The following THSD4 variants were observed in gnomAD, a reference collection of about 807,000 sequenced individuals.
The protein encoded by THSD4 is thrombospondin type-1 domain-containing protein 4.
In THSD4, 69 loss-of-function variants were observed where a neutral mutation model predicts 119.0. That is an observed-to-expected ratio of 0.58 (90% CI 0.48 to 0.71). The LOEUF (loss-of-function observed/expected upper bound fraction) is 0.71. Ranked by LOEUF, THSD4 falls within the 30% of genes least tolerant of loss-of-function variation. The pLI, the probability that THSD4 is intolerant of heterozygous loss-of-function variation, is 0.00. For synonymous variants in THSD4, 524 were observed against 540.4 expected, an observed-to-expected ratio of 0.97 and a Z score of 0.42; for missense variants, 1,393 against 1,391.1, an observed-to-expected ratio of 1.00 and a Z score of -0.02.
At chr15:71,342,136 TAAAA>T (rs59764881) in intron 6 of THSD4, among the ~76,000 whole-genome samples, 6 of 149,354 alleles carry the variant, frequency 4.0e-5, no homozygotes, top group Admixed American at 1.3e-4. Context: ...CGCTTCTTCA[TAAAA>T]AAAAAAGGTG....
chr15:71,451,919 C>T (rs1373530996), intron 7 of THSD4, among the ~76,000 whole-genome samples: 1 of 152,148 alleles, frequency 6.6e-6, no homozygotes, highest in Non-Finnish European at 1.5e-5. Flanking sequence ...GTCTCTGGGA[C>T]CTATGTCCTC....
chr15:71,664,250 G>C (rs1207462356), intron 8 of THSD4, among the ~76,000 whole-genome samples: 1 of 152,086 alleles, frequency 6.6e-6, no homozygotes, highest in Non-Finnish European at 1.5e-5. Context: ...CCAAAGTGCT[G>C]GGATTACAGG....
intron 6 of THSD4, among the ~76,000 whole-genome samples, chr15:71,322,230 C>A (rs749790868): frequency 1.8e-4 from 28 of 152,224 alleles, no homozygotes; most frequent in Non-Finnish European, 3.5e-4. Context: ...TGCTAGAAAA[C>A]AGGATTTCCA....
chr15:71,295,522 C>A (rs771641722), intron 6 of THSD4, among the ~76,000 whole-genome samples: 42 of 152,130 alleles, frequency 2.8e-4, no homozygotes, highest in Non-Finnish European at 5.4e-4. Flanking sequence ...TTTGTGGAGA[C>A]ACAGATCAGA....
intron 6 of THSD4, among the ~76,000 whole-genome samples, chr15:71,378,982 C>G (rs867254901): frequency 3.3e-5 from 5 of 152,120 alleles, no homozygotes; most frequent in Admixed American, 6.5e-5. Flanking sequence ...CAGGGTCTCA[C>G]TATGTTGCCT....
In THSD4 at chr15:71,656,009, C is replaced by T. The variant is rs990471332; in HGVS notation, c.1153-4521C>T. On this transcript the variant is annotated intron_variant, in intron 7 of 17. Transcript: ENST00000261862. Reference sequence around the variant, plus strand: ...CACCCCAGGTTTTCTGGTTTGCAGCCCAACATTCTTTCCATTATTCCAAAC... The same window carrying T: ...CACCCCAGGTTTTCTGGTTTGCAGCTCAACATTCTTTCCATTATTCCAAAC... Among the ~76,000 whole-genome samples, 11 of 152,280 alleles carry T rather than the reference C, an allele frequency of 7.2e-5. No individual in the cohort carries two copies. The South Asian group carries it at 2.3e-3, about 32-fold the overall frequency.
chr15:71,417,761 C>A (rs2046775350), intron 7 of THSD4, among the ~76,000 whole-genome samples: 1 of 107,954 alleles, frequency 9.3e-6, no homozygotes, highest in Non-Finnish European at 2.0e-5. Flanking sequence ...TTGTGTTTTT[C>A]TATTTCCGTG....
intron 7 of THSD4, among the ~76,000 whole-genome samples, chr15:71,641,294 A>T (rs2050853258): frequency 6.6e-6 from 1 of 151,916 alleles, no homozygotes; most frequent in Admixed American, 6.6e-5. Context: ...GCCCCAGTCC[A>T]ATGTCTTGGG....
At chr15:71,500,579 A>C (rs1365943954) in intron 7 of THSD4, among the ~76,000 whole-genome samples, 1 of 152,242 alleles carries the variant, frequency 6.6e-6, no homozygotes, top group Admixed American at 6.5e-5. Flanking sequence ...GTTTTCCAGT[A>C]AAGTTTCTTC....
intron 7 of THSD4, among the ~76,000 whole-genome samples, chr15:71,469,776 C>T (rs182569218): frequency 8.2e-4 from 125 of 152,310 alleles, no homozygotes; most frequent in African/African-American, 2.8e-3. Context: ...TTCTTAGTGT[C>T]TCCTGTGGCA....
intron 3 of THSD4, among the ~76,000 whole-genome samples, chr15:71,191,851 C>G (rs1038480659): frequency 1.3e-5 from 2 of 151,916 alleles, no homozygotes; most frequent in Non-Finnish European, 2.9e-5. Flanking sequence ...TTGGTGATAT[C>G]TGATACCCCA....
At chr15:71,763,341 G>T (rs1438305842) in intron 15 of THSD4, among the ~76,000 whole-genome samples, 2 of 151,856 alleles carry the variant, frequency 1.3e-5, no homozygotes, top group East Asian at 3.9e-4. Flanking sequence ...ATTGTTGCAG[G>T]CTTCTTATAA....
chr15:71,395,197 G>A (rs1025903723), intron 6 of THSD4, among the ~76,000 whole-genome samples: 12 of 152,176 alleles, frequency 7.9e-5, no homozygotes, highest in African/African-American at 2.9e-4. Context: ...GAGGAGAGGA[G>A]TAACATGATG....
chr15:71,302,583 G>T (rs1349677495), intron 6 of THSD4, among the ~76,000 whole-genome samples: 1 of 151,968 alleles, frequency 6.6e-6, no homozygotes, highest in African/African-American at 2.4e-5. Flanking sequence ...TTGGGTGGGA[G>T]TGGGGGTGGG....
At chr15:71,424,343 G>A (rs1438485023) in intron 7 of THSD4, among the ~76,000 whole-genome samples, 5 of 152,116 alleles carry the variant, frequency 3.3e-5, no homozygotes, top group Non-Finnish European at 7.4e-5. Context: ...GAGGGTTGGG[G>A]AACAGAGAAA....
chr15:71,148,811 C>T (rs868387631), intron 2 of THSD4, among the ~76,000 whole-genome samples: 3 of 152,134 alleles, frequency 2.0e-5, no homozygotes, highest in Non-Finnish European at 2.9e-5. Context: ...AGGGTCTGAC[C>T]GCCTGTGTTA....
intron 8 of THSD4, among the ~76,000 whole-genome samples, chr15:71,679,896 C>A (rs2051738846): frequency 6.6e-6 from 1 of 152,178 alleles, no homozygotes; most frequent in Non-Finnish European, 1.5e-5. Flanking sequence ...ACTGCTATGT[C>A]AGTGGGCTCT....
chr15:71,718,474 G>A (rs550166064), intron 8 of THSD4, among the ~76,000 whole-genome samples: 1 of 152,266 alleles, frequency 6.6e-6, no homozygotes, highest in Admixed American at 6.5e-5. Flanking sequence ...AGAACTGTTT[G>A]TGTCATGAAT....
rs1409579104 is a variant in THSD4, at chr15:71,281,209, T to C, written c.1015+24494T>C. Among the ~76,000 whole-genome samples, 3 of 152,254 alleles carry C rather than the reference T, an allele frequency of 2.0e-5. No individual in the cohort carries two copies. In the East Asian group the frequency reaches 5.8e-4, roughly 29 times the overall value. On this transcript the variant is annotated intron_variant, in intron 6 of 17. Coordinates refer to ENST00000261862, the MANE Select transcript of THSD4 (RefSeq NM_024817.3). Reference sequence around the variant, plus strand: ...CGAGAAGTCTACTTTGCAAGACACATGTTATGGAAAAGGGTCATTTATCCT... The same window carrying C: ...CGAGAAGTCTACTTTGCAAGACACACGTTATGGAAAAGGGTCATTTATCCT...
Sources: gnomAD v4.1 joint callset for allele counts (sites outside exome capture counted in the v4.1 genomes callset) on GRCh38, gnomAD v4.1.1 for gene constraint, MANE v1.5 for transcripts, NCBI Gene and HGNC (gene_info 2026-07-23, HGNC 2026-07-21) for gene names.